Variants in EBF1 observed in about 807,000 individuals in gnomAD.
The protein encoded by EBF1 is transcription factor COE1.
A neutral mutation model predicts 68.4 loss-of-function variants in EBF1; 10 were observed. That is an observed-to-expected ratio of 0.15 (90% CI 0.09 to 0.25). The LOEUF is 0.25. Among genes scored for constraint, EBF1 ranks in the 10% least tolerant of loss-of-function variants. The pLI is 1.00. For missense variants in EBF1, 509 were observed against 794.4 expected, an observed-to-expected ratio of 0.64 and a Z score of 4.32; for synonymous variants, 298 against 299.8, an observed-to-expected ratio of 0.99 and a Z score of 0.06.
At chr5:158,709,856 T>C (rs909729672) in intron 14 of EBF1, among the ~76,000 whole-genome samples, 26 of 152,228 alleles carry the variant, frequency 1.7e-4, no homozygotes, top group African/African-American at 5.8e-4. Flanking sequence ...TTCGTAGACT[T>C]GAAATCCTGC....
chr5:158,827,816 CT>C (rs1786529593), intron 7 of EBF1, among the ~76,000 whole-genome samples: 1 of 152,158 alleles, frequency 6.6e-6, no homozygotes, highest in South Asian at 2.1e-4. Context: ...AAATTTGTAT[CT>C]TTAAGCATTT....
chr5:159,096,851 G>C, intron 2 of EBF1, 123 bp downstream of exon 2: 5 of 1,290,882 alleles, frequency 3.9e-6, no homozygotes, highest in African/African-American at 1.5e-5. Flanking sequence ...TGGCTTGGGG[G>C]ACCCCCACAT....
At chr5:158,939,134 G>A (rs768604699) in intron 6 of EBF1, among the ~76,000 whole-genome samples, 5 of 152,210 alleles carry the variant, frequency 3.3e-5, no homozygotes, top group Admixed American at 6.5e-5. Context: ...AATGGAGCCC[G>A]TGGGCACTTG....
At chr5:159,077,547 GTC>G (rs1778991873) in intron 5 of EBF1, among the ~76,000 whole-genome samples, 1 of 151,856 alleles carries the variant, frequency 6.6e-6, no homozygotes, top group Non-Finnish European at 1.5e-5. Context: ...GTCTTTTATT[GTC>G]TCTCTCACCT....
chr5:158,769,516 A>G (rs995122096), intron 10 of EBF1, among the ~76,000 whole-genome samples: 2 of 152,160 alleles, frequency 1.3e-5, no homozygotes, highest in Admixed American at 1.3e-4. Flanking sequence ...GCAAAATAAT[A>G]TGCTTCCTTC....
At chr5:158,850,255 ACT>A (rs1487928708) in intron 6 of EBF1, among the ~76,000 whole-genome samples, 2 of 152,220 alleles carry the variant, frequency 1.3e-5, no homozygotes, top group Admixed American at 6.5e-5. Context: ...CTTAGTTAAA[ACT>A]CTTAATGATT....
rs568655936 is a variant in EBF1, at chr5:158,888,457, T to C, written c.555-48347A>G. ...AAGAGGCAAGAATGTGAACCTAGTA[T>C]AGAGTCATAAAAGTAATAAATCTAC... On this transcript the variant is annotated intron_variant, in intron 6 of 15. Transcript: ENST00000313708. Among the ~76,000 whole-genome samples the C allele has an allele frequency of 2.0e-5, 3 of 152,290 alleles. No homozygotes were observed. The East Asian group carries it at 5.8e-4, about 29-fold the overall frequency.
rs375214496 is a variant in EBF1, at chr5:159,046,496, C to T, written c.554+26900G>A. On this transcript the variant is annotated intron_variant, in intron 6 of 15. Transcript: ENST00000313708. ...AAGTGGAGTGGTGGAAGGGAAGAGACCTCAAATAGGCCAAAGCATCATTTC... is the reference window on the plus strand; with the variant it reads ...AAGTGGAGTGGTGGAAGGGAAGAGATCTCAAATAGGCCAAAGCATCATTTC... Among the ~76,000 whole-genome samples the T allele has an allele frequency of 3.3e-5, 5 of 152,274 alleles. No homozygotes were observed. In the East Asian group the frequency reaches 5.8e-4, roughly 18 times the overall value.
intron 6 of EBF1, among the ~76,000 whole-genome samples, chr5:158,918,836 C>T (rs944174290): frequency 6.6e-6 from 1 of 152,236 alleles, no homozygotes; most frequent in African/African-American, 2.4e-5. Flanking sequence ...CAATAGGAAG[C>T]TCCGTTCTGG....
intron 6 of EBF1, among the ~76,000 whole-genome samples, chr5:159,002,157 C>T (rs1320077265): frequency 1.0e-4 from 14 of 133,686 alleles, no homozygotes; most frequent in Admixed American, 8.9e-4. Context: ...TCCCCCAAGC[C>T]TTTTTTTTTT....
chr5:158,907,991 CA>C (rs887801330), intron 6 of EBF1, among the ~76,000 whole-genome samples: 2 of 151,640 alleles, frequency 1.3e-5, no homozygotes, highest in Non-Finnish European at 1.5e-5. Flanking sequence ...AAAAGGAGTC[CA>C]AAAAAAATTA....
At chr5:158,843,727 C>T (rs1380743116) in intron 6 of EBF1, among the ~76,000 whole-genome samples, 1 of 152,162 alleles carries the variant, frequency 6.6e-6, no homozygotes, top group African/African-American at 2.4e-5. Flanking sequence ...AAGTTTTCCC[C>T]TAAGTAAAAG....
intron 6 of EBF1, among the ~76,000 whole-genome samples, chr5:158,880,328 T>TA (rs1403966041): frequency 2.6e-5 from 4 of 152,290 alleles, no homozygotes; most frequent in Admixed American, 1.3e-4. Flanking sequence ...GAAAAATGGA[T>TA]AAAGATACCA....
chr5:158,807,886 G>A (rs935668745), intron 8 of EBF1, among the ~76,000 whole-genome samples: 3 of 152,148 alleles, frequency 2.0e-5, no homozygotes, highest in Admixed American at 6.6e-5. Flanking sequence ...TTGAATGTGA[G>A]CAGCATTTTG....
intron 13 of EBF1, 78 bp from the exon 14 acceptor site, chr5:158,712,411 G>C: frequency 6.5e-7 from 1 of 1,535,644 alleles, no homozygotes; most frequent in South Asian, 1.2e-5. Flanking sequence ...GGAAAGGAAG[G>C]TCTCTGTTTC....
In EBF1 at chr5:158,946,981, C is replaced by T. The variant is rs567777099; in HGVS notation, c.555-106871G>A. 7.2e-5 allele frequency among the ~76,000 whole-genome samples: 11 copies of T among 152,304 alleles called. No homozygotes were observed. The East Asian group carries it at 2.1e-3, about 29-fold the overall frequency. On this transcript the variant is annotated intron_variant, in intron 6 of 15. Transcript: ENST00000313708. The stretch of plus-strand genomic sequence containing the variant: ...TGGAACTTCCCAGTGGCTTTGTTAA[C>T]ACTGTGAGGGGAAAAACATCTACTC...
intron 6 of EBF1, among the ~76,000 whole-genome samples, chr5:158,953,282 T>G (rs528566624): frequency 3.6e-4 from 55 of 152,310 alleles, no homozygotes; most frequent in African/African-American, 1.3e-3. Context: ...TTTTAAGCAG[T>G]TGTAATTGCT....
At chr5:159,096,149 C>G (rs947614356) in intron 3 of EBF1, 194 bp downstream of exon 3, 7 of 617,586 alleles carry the variant, frequency 1.1e-5, no homozygotes, top group Non-Finnish European at 2.0e-5. Context: ...AACGCGAGAC[C>G]GATAAGGCTC....
chr5:158,720,888 C>T (rs897190319), intron 11 of EBF1, among the ~76,000 whole-genome samples: 9 of 152,134 alleles, frequency 5.9e-5, no homozygotes, highest in Non-Finnish European at 1.2e-4. Context: ...ACCCCACATT[C>T]TAAAGACTTC....
Sources: gnomAD v4.1 joint callset for allele counts (sites outside exome capture counted in the v4.1 genomes callset) on GRCh38, gnomAD v4.1.1 for gene constraint, MANE v1.5 for transcripts, NCBI Gene and HGNC (gene_info 2026-07-23, HGNC 2026-07-21) for gene names.